The following KCNB2 variants were observed in gnomAD, a reference collection of about 807,000 sequenced individuals.
The protein encoded by KCNB2 is delayed rectifier potassium channel protein.
KCNB2 carries 15 observed loss-of-function variants against 61.5 expected under a neutral mutation model. That is an observed-to-expected ratio of 0.24 (90% CI 0.16 to 0.38). The LOEUF (loss-of-function observed/expected upper bound fraction) is 0.38. KCNB2 is among the 10% of genes least tolerant of loss of function. KCNB2 has a pLI of 1.00. For synonymous variants in KCNB2, 457 were observed against 446.0 expected (o/e 1.02, Z -0.31); for missense variants, 828 against 1,125.2 (o/e 0.74, Z 3.78).
intron 2 of KCNB2, among the ~76,000 whole-genome samples, chr8:72,574,641 AC>A (rs1806768042): frequency 1.3e-5 from 2 of 152,218 alleles, no homozygotes; most frequent in Non-Finnish European, 2.9e-5. Flanking sequence ...ATATTAAAAA[AC>A]ATCAGATTCT....
intron 2 of KCNB2, among the ~76,000 whole-genome samples, chr8:72,698,527 G>A (rs1807057213): frequency 6.6e-6 from 1 of 152,024 alleles, no homozygotes; most frequent in Non-Finnish European, 1.5e-5. Context: ...AATTTCATAT[G>A]GAACTGAAAA....
chr8:72,629,507 C>T lies in KCNB2; in HGVS notation c.579+61194C>T, dbSNP rs373403800. 1.2e-4 allele frequency among the ~76,000 whole-genome samples: 18 copies of T among 152,266 alleles called. No homozygotes were observed. The East Asian group carries it at 2.7e-3, about 23-fold the overall frequency. Reference sequence around the variant, plus strand: ...CAACAGTCAGCCTTATTGGTCTGGCCTGAGTCTTTTGCCAGCCCTGGGCTA... The same window carrying T: ...CAACAGTCAGCCTTATTGGTCTGGCTTGAGTCTTTTGCCAGCCCTGGGCTA... On this transcript the variant is annotated intron_variant, in intron 2 of 2. Coordinates refer to ENST00000523207, the MANE Select transcript of KCNB2 (RefSeq NM_004770.3).
At chr8:72,894,177 A>G (rs1479208987) in intron 2 of KCNB2, among the ~76,000 whole-genome samples, 1 of 152,196 alleles carries the variant, frequency 6.6e-6, no homozygotes, top group South Asian at 2.1e-4. Context: ...CAGCAATGCA[A>G]CAGTGTGCAG....
At chr8:72,807,930 A>G (rs1781763634) in intron 2 of KCNB2, among the ~76,000 whole-genome samples, 1 of 152,210 alleles carries the variant, frequency 6.6e-6, no homozygotes, top group Non-Finnish European at 1.5e-5. Context: ...ATAAGAAATT[A>G]AAGATAAGGA....
At chr8:72,856,290 C>G (rs1460755102) in intron 2 of KCNB2, among the ~76,000 whole-genome samples, 1 of 152,032 alleles carries the variant, frequency 6.6e-6, no homozygotes, top group Non-Finnish European at 1.5e-5. Context: ...TACTACATAT[C>G]ATAAATCTAG....
At chr8:72,854,313 G>T (rs910129590) in intron 2 of KCNB2, among the ~76,000 whole-genome samples, 2 of 152,034 alleles carry the variant, frequency 1.3e-5, no homozygotes, top group Non-Finnish European at 2.9e-5. Context: ...TAATACACAG[G>T]TATCAGTTAT....
At chr8:72,678,544 G>A (rs1166964967) in intron 2 of KCNB2, among the ~76,000 whole-genome samples, 3 of 152,168 alleles carry the variant, frequency 2.0e-5, no homozygotes, top group Admixed American at 2.0e-4. Flanking sequence ...ATTTCTGCCA[G>A]GTGGCCATAT....
intron 2 of KCNB2, among the ~76,000 whole-genome samples, chr8:72,735,108 C>A (rs1807818776): frequency 6.6e-6 from 1 of 152,138 alleles, no homozygotes; most frequent in South Asian, 2.1e-4. Context: ...GATTCATAGT[C>A]AAATTATAGT....
intron 2 of KCNB2, among the ~76,000 whole-genome samples, chr8:72,765,287 A>G (rs747177492): frequency 6.6e-6 from 1 of 152,194 alleles, no homozygotes; most frequent in Non-Finnish European, 1.5e-5. Flanking sequence ...AAGCCTTCAG[A>G]TGGAATTATC....
At chr8:72,615,444 A>G (rs1020640429) in intron 2 of KCNB2, among the ~76,000 whole-genome samples, 2 of 152,192 alleles carry the variant, frequency 1.3e-5, no homozygotes, top group Non-Finnish European at 2.9e-5. Context: ...AGAATTCCCT[A>G]GGGTACTGGT....
chr8:72,929,207 C>T (rs983090216), intron 2 of KCNB2, among the ~76,000 whole-genome samples: 2 of 152,154 alleles, frequency 1.3e-5, no homozygotes, highest in Non-Finnish European at 2.9e-5. Context: ...TGATCCTGTG[C>T]TTCTTTCCAC....
chr8:72,626,020 A>G (rs1012481911), intron 2 of KCNB2, among the ~76,000 whole-genome samples: 1 of 152,230 alleles, frequency 6.6e-6, no homozygotes, highest in Non-Finnish European at 1.5e-5. Flanking sequence ...GCAATTTCAA[A>G]ATCAGCTTAT....
At chr8:72,809,846 G>A (rs1017629266) in intron 2 of KCNB2, among the ~76,000 whole-genome samples, 1 of 152,062 alleles carries the variant, frequency 6.6e-6, no homozygotes, top group Non-Finnish European at 1.5e-5. Flanking sequence ...TTTTGCAAAG[G>A]TACTTCATTT....
At chr8:72,838,781 T>C (rs1447031788) in intron 2 of KCNB2, among the ~76,000 whole-genome samples, 1 of 144,324 alleles carries the variant, frequency 6.9e-6, no homozygotes, top group East Asian at 2.0e-4. Flanking sequence ...ATTTTATACA[T>C]GTAGTTTTTC....
chr8:72,644,104 C>T (rs1806094068), intron 2 of KCNB2, among the ~76,000 whole-genome samples: 1 of 152,122 alleles, frequency 6.6e-6, no homozygotes, highest in South Asian at 2.1e-4. Context: ...ACATAAAATG[C>T]CATGTTCTTT....
At chr8:72,566,504 A>T (rs935815735) in intron 1 of KCNB2, among the ~76,000 whole-genome samples, 2 of 150,922 alleles carry the variant, frequency 1.3e-5, no homozygotes, top group African/African-American at 4.9e-5. Flanking sequence ...ATTTCAGACC[A>T]GCCTGGGAAA....
chr8:72,753,118 G>A (rs1009181038), intron 2 of KCNB2, among the ~76,000 whole-genome samples: 3 of 152,162 alleles, frequency 2.0e-5, no homozygotes, highest in Non-Finnish European at 4.4e-5. Context: ...TTCTTTTAGA[G>A]GTATCTGGAT....
chr8:72,812,352 T>C (rs1809322099), intron 2 of KCNB2, among the ~76,000 whole-genome samples: 1 of 152,182 alleles, frequency 6.6e-6, no homozygotes, highest in South Asian at 2.1e-4. Context: ...AGATTTACTT[T>C]CTTCTTTCCA....
At chr8:72,633,281 A>T (rs1247983486) in intron 2 of KCNB2, among the ~76,000 whole-genome samples, 1 of 152,066 alleles carries the variant, frequency 6.6e-6, no homozygotes, top group Non-Finnish European at 1.5e-5. Context: ...TTTTCAAGCC[A>T]CCAAGGGCAT....
Sources: allele counts gnomAD v4.1 joint callset (sites outside exome capture counted in the v4.1 genomes callset), GRCh38; gene constraint gnomAD v4.1.1; transcripts MANE v1.5; gene names NCBI Gene and HGNC (gene_info 2026-07-23, HGNC 2026-07-21).